The following PDE4D variants were observed in gnomAD, a reference collection of about 807,000 sequenced individuals.
PDE4D encodes phosphodiesterase 4D.
Under a neutral mutation model 87.4 loss-of-function variants are expected in PDE4D, and 24 were observed. The observed-to-expected ratio is 0.27, with a 90% CI of 0.20 to 0.39. The LOEUF (loss-of-function observed/expected upper bound fraction) is 0.39. PDE4D is among the 10% of genes least tolerant of loss of function. PDE4D has a pLI of 1.00. For missense variants in PDE4D, 714 were observed against 1,041.0 expected (o/e 0.69, Z 4.32); for synonymous variants, 384 against 383.2 (o/e 1.00, Z -0.02).
At chr5:59,275,353 G>C in intron 1 of PDE4D, 1 of 1,596,944 alleles carries the variant, frequency 6.3e-7, no homozygotes. Flanking sequence ...TGCCTCTGCA[G>C]TCCTTAGGGA....
At chr5:60,005,669 TA>T (rs1353469577) in intron 2 of PDE4D, among the ~76,000 whole-genome samples, 2 of 151,962 alleles carry the variant, frequency 1.3e-5, no homozygotes, top group East Asian at 3.8e-4. Flanking sequence ...AAAAACAAAA[TA>T]TGCTTATCCT....
chr5:59,483,533 T>C lies in PDE4D; in HGVS notation c.456-267565A>G, dbSNP rs150243001. 2.9e-3 allele frequency among the ~76,000 whole-genome samples: 449 copies of C among 152,260 alleles called. 4 individuals carry two copies. Among genetic ancestry groups the C allele is most frequent in the East Asian group, 3.9e-3 (20 of 5,172 alleles). ...TCTTTTTTTCTTACAATTTTATTTTTTAGGGGTGTATTTTTAGGAGGAGCT... is the reference window on the plus strand; with the variant it reads ...TCTTTTTTTCTTACAATTTTATTTTCTAGGGGTGTATTTTTAGGAGGAGCT... On this transcript the variant is annotated intron_variant, in intron 1 of 14. Transcript: ENST00000340635.
At chr5:60,093,558 G>A (rs1775358534) in intron 2 of PDE4D, among the ~76,000 whole-genome samples, 1 of 152,272 alleles carries the variant, frequency 6.6e-6, no homozygotes, top group Admixed American at 6.5e-5. Flanking sequence ...GTGGAGCAAA[G>A]ACAAAGTGCT....
intron 1 of PDE4D, chr5:59,356,666 G>A (rs1781422950): frequency 2.1e-6 from 2 of 959,742 alleles, no homozygotes; most frequent in Admixed American, 6.7e-5. Flanking sequence ...AGCATTAGGA[G>A]TTAGAAGGTC....
intron 1 of PDE4D, among the ~76,000 whole-genome samples, chr5:60,417,996 C>T (rs1221224817): frequency 1.3e-5 from 2 of 151,926 alleles, no homozygotes; most frequent in African/African-American, 2.4e-5. Flanking sequence ...CAGACAAGAA[C>T]CTGAAAAAGA....
chr5:60,358,691 C>A (rs1266541738), intron 1 of PDE4D, among the ~76,000 whole-genome samples: 1 of 152,110 alleles, frequency 6.6e-6, no homozygotes, highest in East Asian at 1.9e-4. Context: ...GCCAAAGCCC[C>A]TTAGCAGCAA....
At chr5:59,734,147 G>T (rs1476967294) in intron 1 of PDE4D, among the ~76,000 whole-genome samples, 1 of 151,862 alleles carries the variant, frequency 6.6e-6, no homozygotes, top group Non-Finnish European at 1.5e-5. Flanking sequence ...ACATACACAG[G>T]TTTGTATATA....
intron 1 of PDE4D, among the ~76,000 whole-genome samples, chr5:59,613,221 T>C (rs1401164890): frequency 6.6e-6 from 1 of 152,088 alleles, no homozygotes. Context: ...GGATTGGAAT[T>C]GGGAGTGTGA....
intron 3 of PDE4D, among the ~76,000 whole-genome samples, chr5:59,960,821 T>C (rs1044124549): frequency 6.6e-6 from 1 of 151,964 alleles, no homozygotes; most frequent in Admixed American, 6.6e-5. Context: ...AATATATCCA[T>C]GTAACAAACC....
chr5:59,863,091 T>C (rs1301529874), intron 1 of PDE4D, among the ~76,000 whole-genome samples: 1 of 152,202 alleles, frequency 6.6e-6, no homozygotes, highest in Non-Finnish European at 1.5e-5. Context: ...CATTAGATGA[T>C]CTTCTTGCTC....
At chr5:59,165,822 C>G (rs1221960136) in intron 5 of PDE4D, among the ~76,000 whole-genome samples, 1 of 152,162 alleles carries the variant, frequency 6.6e-6, no homozygotes, top group African/African-American at 2.4e-5. Flanking sequence ...TCTCTTTTAG[C>G]CAAGGCCCAG....
intron 1 of PDE4D, among the ~76,000 whole-genome samples, chr5:59,672,773 A>T (rs1747439407): frequency 6.6e-6 from 1 of 152,200 alleles, no homozygotes; most frequent in Admixed American, 6.5e-5. Flanking sequence ...CCAGGTTTAA[A>T]GTTCTATAAA....
At chr5:60,294,479 T>C (rs1330184097) in intron 1 of PDE4D, among the ~76,000 whole-genome samples, 1 of 152,210 alleles carries the variant, frequency 6.6e-6, no homozygotes, top group Non-Finnish European at 1.5e-5. Flanking sequence ...TCTTGAAGTA[T>C]CAGAGTTTTA....
chr5:59,061,055 C>T (rs1763043415), intron 5 of PDE4D, among the ~76,000 whole-genome samples: 1 of 152,120 alleles, frequency 6.6e-6, no homozygotes, highest in South Asian at 2.1e-4. Context: ...GTGTTGGTAT[C>T]AGTTAGACAG....
intron 1 of PDE4D, chr5:60,460,241 A>G: frequency 1.6e-6 from 2 of 1,265,696 alleles, no homozygotes; most frequent in East Asian, 4.7e-5. Context: ...ATTTCAGTGG[A>G]CTTTGAAGAT....
chr5:59,240,898 AC>A (rs1039214736), intron 1 of PDE4D, among the ~76,000 whole-genome samples: 1 of 151,990 alleles, frequency 6.6e-6, no homozygotes, highest in Non-Finnish European at 1.5e-5. Flanking sequence ...TAAAATAATG[AC>A]CCTACTGCTA....
At chr5:60,325,043 T>C (rs553092810) in intron 1 of PDE4D, among the ~76,000 whole-genome samples, 2 of 152,178 alleles carry the variant, frequency 1.3e-5, no homozygotes, top group South Asian at 2.1e-4. Flanking sequence ...AGTTACAGCA[T>C]TTCAAAAAGA....
In PDE4D at chr5:59,172,466, G is replaced by A. The variant is rs1320114524; in HGVS notation, c.808+8129C>T. On this transcript the variant is annotated intron_variant, in intron 5 of 14. Transcript: ENST00000340635. ...TCCCAGCACTTTGGGAGGCCAAGGT[G>A]GGCAGATTGCTTGAGCCTAGGAGTT... Among the ~76,000 whole-genome samples, 3 of 147,658 alleles carry A rather than the reference G, an allele frequency of 2.0e-5. No homozygotes were observed. In the Admixed American group the frequency reaches 2.1e-4, roughly 10 times the overall value.
intron 2 of PDE4D, among the ~76,000 whole-genome samples, chr5:59,197,213 A>G (rs1745649554): frequency 6.6e-6 from 1 of 152,174 alleles, no homozygotes; most frequent in Admixed American, 6.5e-5. Context: ...TTATTAAAAC[A>G]TTTAATTTTC....
Sources: gnomAD v4.1 joint callset for allele counts (sites outside exome capture counted in the v4.1 genomes callset) on GRCh38, gnomAD v4.1.1 for gene constraint, MANE v1.5 for transcripts, NCBI Gene and HGNC (gene_info 2026-07-23, HGNC 2026-07-21) for gene names.